Variants in ACAD10 observed in about 807,000 individuals in gnomAD.
ACAD10 encodes acyl-CoA dehydrogenase family member 10.
A neutral mutation model predicts 116.8 loss-of-function variants in ACAD10; 112 were observed. The observed-to-expected ratio is 0.96, with a 90% CI of 0.82 to 1.12. The LOEUF (loss-of-function observed/expected upper bound fraction) is 1.12. ACAD10 is among the 50% of genes most tolerant of loss of function. The pLI is 0.00. For synonymous variants in ACAD10, 486 were observed against 510.6 expected (o/e 0.95, Z 0.65); for missense variants, 1,259 against 1,350.2 (o/e 0.93, Z 1.06).
In ACAD10 at chr12:111,756,401, G is replaced by A. The variant is rs771918388; in HGVS notation, c.3108G>A (p.Leu1036=). 10 of 1,612,240 alleles carry A rather than the reference G, an allele frequency of 6.2e-6. No individual in the cohort carries two copies. In the African/African-American group the frequency reaches 1.2e-4, roughly 19 times the overall value. Residue 1036 remains leucine (L), a synonymous_variant, in exon 21 of 21, where the codon CTG becomes CTA. Coordinates refer to ENST00000313698, the MANE Select transcript of ACAD10 (RefSeq NM_025247.6). ...LAQFFTWARA[L]RFADGPDEVH... ...AGTTCTTCACCTGGGCCCGAGCCCT[G>A]CGCTTTGCCGACGGCCCTGACGAGG... is the stretch of plus-strand genomic sequence containing the variant.
At chr12:111,738,946 C>G (rs1889652299) in intron 12 of ACAD10, among the ~76,000 whole-genome samples, 1 of 127,468 alleles carries the variant, frequency 7.8e-6, no homozygotes, top group South Asian at 2.5e-4. Context: ...CATTGATGAC[C>G]TCAGAGGTTG....
At chr12:111,689,297 G>A (rs1360158329) in intron 1 of ACAD10, among the ~76,000 whole-genome samples, 1 of 151,904 alleles carries the variant, frequency 6.6e-6, no homozygotes, top group Non-Finnish European at 1.5e-5. Flanking sequence ...TGTAAGTACT[G>A]TGTAAATAAA....
At chr12:111,688,553 G>A (rs1887948071) in intron 1 of ACAD10, among the ~76,000 whole-genome samples, 1 of 152,110 alleles carries the variant, frequency 6.6e-6, no homozygotes, top group Non-Finnish European at 1.5e-5. Flanking sequence ...TGCAATCCCA[G>A]CACTTTGGGA....
At chr12:111,751,058 G>A (rs1890060236) in intron 18 of ACAD10, among the ~76,000 whole-genome samples, 1 of 152,182 alleles carries the variant, frequency 6.6e-6, no homozygotes, top group Admixed American at 6.5e-5. Flanking sequence ...TCAGACAGAA[G>A]TCTCCAGAAA....
rs1593061745 is a variant in ACAD10 at position 111,756,907 on chromosome 12, G to A, written c.*434G>A. ...TGTCTGGCCTCCCTGGTGAGCAGAG[G>A]GGCGGCCACGGCGGGCGGTGGCCTA... On this transcript the variant is annotated 3_prime_UTR_variant, in exon 21 of 21. Transcript: ENST00000313698. The A allele has an allele frequency of 4.4e-6, 2 of 458,590 alleles. No individual in the cohort carries two copies. Among genetic ancestry groups the A allele is most frequent in the East Asian group, 6.9e-5 (1 of 14,510 alleles). The allele number at this position is 458,590 out of a possible 1,614,324, so 28.4% of individuals were successfully genotyped here.
chr12:111,742,355 C>T (rs1889769197), intron 12 of ACAD10, among the ~76,000 whole-genome samples: 1 of 152,034 alleles, frequency 6.6e-6, no homozygotes, highest in Non-Finnish European at 1.5e-5. Context: ...AGGAATAAGC[C>T]CCCACTGTGT....
chr12:111,688,461 C>G (rs1278175259), intron 1 of ACAD10, among the ~76,000 whole-genome samples: 1 of 152,060 alleles, frequency 6.6e-6, no homozygotes, highest in Non-Finnish European at 1.5e-5. Flanking sequence ...TTGTTTATAA[C>G]CTATGTACAC....
chr12:111,746,992 T>G, intron 14 of ACAD10, 57 bp from the exon 15 acceptor site: 5 of 1,517,824 alleles, frequency 3.3e-6, no homozygotes, highest in Non-Finnish European at 4.4e-6. Context: ...AGAGCTTGAC[T>G]CTGTTTTTTT....
At chr12:111,755,485 C>T (rs1890184745) in intron 19 of ACAD10, among the ~76,000 whole-genome samples, 183 bp from the exon 20 acceptor site, 1 of 152,070 alleles carries the variant, frequency 6.6e-6, no homozygotes, top group Non-Finnish European at 1.5e-5. Flanking sequence ...TACCACAGCC[C>T]CCAACTTCCC....
intron 16 of ACAD10, 21 bp from the exon 17 acceptor site, chr12:111,748,296 G>C (rs764665115): frequency 8.1e-6 from 13 of 1,613,784 alleles, no homozygotes; most frequent in Non-Finnish European, 1.1e-5. Context: ...GATGGGGTCT[G>C]TCTCTCTCCT....
chr12:111,729,527 C>T (rs1889325680), intron 9 of ACAD10, among the ~76,000 whole-genome samples: 1 of 152,108 alleles, frequency 6.6e-6, no homozygotes, highest in Non-Finnish European at 1.5e-5. Flanking sequence ...CCACCATGGC[C>T]GGCCACAAGG....
chr12:111,747,888 A>G (rs1889959298), intron 16 of ACAD10, among the ~76,000 whole-genome samples: 1 of 152,042 alleles, frequency 6.6e-6, no homozygotes, highest in African/African-American at 2.4e-5. Flanking sequence ...AGGAAACCGC[A>G]CTCAGACTTA....
chr12:111,753,811 C>G lies in ACAD10; in HGVS notation c.2857C>G (p.Gln953Glu). Reference protein sequence around the residue: ...RLAFGKPLVEQGTVLADIAQS... With the variant: ...RLAFGKPLVEEGTVLADIAQS... ...GGCTTTTGGGAAGCCCCTGGTGGAG[C>G]AGGGCACAGTGCTGGCGGACATCGC... The change falls in exon 19 of 21, where the codon CAG becomes GAG. Residue 953 changes from glutamine (Q) to glutamate (E), a missense_variant. Physicochemically the swap from Gln to Glu is conservative, Grantham distance 29. Coordinates refer to ENST00000313698, the MANE Select transcript of ACAD10 (RefSeq NM_025247.6). 1 of 1,614,022 alleles carries G rather than the reference C, an allele frequency of 6.2e-7. No homozygotes were observed. The highest frequency in any genetic ancestry group is 8.5e-7 in the Non-Finnish European group (1 of 1,180,038).
At chr12:111,712,773 A>G (rs977754031) in intron 6 of ACAD10, 116 bp downstream of exon 6, 1 of 1,197,440 alleles carries the variant, frequency 8.4e-7, no homozygotes, top group African/African-American at 1.5e-5. Context: ...TACAGTGAGG[A>G]AAATAGCCAT....
intron 2 of ACAD10, among the ~76,000 whole-genome samples, chr12:111,693,991 G>A (rs996658366): frequency 7.2e-5 from 11 of 152,136 alleles, no homozygotes; most frequent in Non-Finnish European, 1.5e-4. Flanking sequence ...TGTCTTGGCT[G>A]TGTCGCCTCC....
At position 111,757,037 on chromosome 12, in the gene ACAD10, T is replaced by C. The variant is rs1471507969; in HGVS notation, c.*564T>C. 2.8e-6 allele frequency: 1 copy of C among 362,564 alleles called. No homozygotes were observed. Among genetic ancestry groups the C allele is most frequent in the East Asian group, 7.5e-5 (1 of 13,422 alleles). 22.5% of individuals were successfully genotyped at this position (362,564 alleles called of 1,614,324 possible). A position where few individuals can be genotyped will look rare whatever the true frequency, so the allele number is the denominator to read the frequency against. ...GAACACACAGCACAGAACAATCATT[T>C]AAATGTTATTTTGGAAAGGGGTTTT... On this transcript the variant is annotated 3_prime_UTR_variant, in exon 21 of 21. Coordinates refer to ENST00000313698, the MANE Select transcript of ACAD10 (RefSeq NM_025247.6).
chr12:111,687,456 G>A (rs1887902639), intron 1 of ACAD10, among the ~76,000 whole-genome samples: 1 of 152,042 alleles, frequency 6.6e-6, no homozygotes, highest in Non-Finnish European at 1.5e-5. Flanking sequence ...CTCCCCAGGT[G>A]GTGACAACCA....
At chr12:111,727,516 T>G (rs1593039432) in intron 8 of ACAD10, among the ~76,000 whole-genome samples, 1 of 152,298 alleles carries the variant, frequency 6.6e-6, no homozygotes, top group Admixed American at 6.5e-5. Context: ...AGAGCGAGAC[T>G]CCGTCTCAAA....
rs567491700 is a variant in ACAD10 at position 111,692,600 on chromosome 12, G to T, written c.-13-97G>T. ...GATTCGAAGTGCCTGTTGGAGATGG[G>T]TTAGAGATGTCTGGCTGGCCCCTCT... On this transcript the variant is annotated intron_variant, in intron 1 of 20. Coordinates refer to ENST00000313698, the MANE Select transcript of ACAD10 (RefSeq NM_025247.6). The T allele has an allele frequency of 4.0e-6, 5 of 1,250,798 alleles. No homozygotes were observed. In the South Asian group the frequency reaches 5.6e-5, roughly 14 times the overall value. 77.5% of individuals were successfully genotyped at this position (1,250,798 alleles called of 1,614,324 possible). A position where few individuals can be genotyped will look rare whatever the true frequency, so the allele number is the denominator to read the frequency against.
Sources: gnomAD v4.1 joint callset for allele counts (sites outside exome capture counted in the v4.1 genomes callset) on GRCh38, gnomAD v4.1.1 for gene constraint, MANE v1.5 for transcripts, NCBI Gene and HGNC (gene_info 2026-07-23, HGNC 2026-07-21) for gene names.